SP4: variants seen among roughly 807,000 people sequenced by gnomAD.
SP4 encodes transcription factor Sp4.
Under a neutral mutation model 72.8 loss-of-function variants are expected in SP4, and 19 were observed. The ratio of observed to expected loss-of-function variants is 0.26; its 90% CI spans 0.18 to 0.38. The LOEUF is 0.38. Among genes scored for constraint, SP4 ranks in the 10% least tolerant of loss-of-function variants. The pLI is 1.00. For synonymous variants in SP4, 395 were observed against 333.1 expected, an observed-to-expected ratio of 1.19 and a Z score of -2.02; for missense variants, 1,008 against 926.3, an observed-to-expected ratio of 1.09 and a Z score of -1.14.
intron 3 of SP4, among the ~76,000 whole-genome samples, chr7:21,441,360 C>G (rs763627740): frequency 4.6e-5 from 7 of 152,070 alleles, no homozygotes; most frequent in Non-Finnish European, 1.0e-4. Flanking sequence ...GATGGGTTCT[C>G]TTCTGTGTGC....
chr7:21,448,875 A>T (rs930304257), intron 3 of SP4, among the ~76,000 whole-genome samples: 3 of 152,232 alleles, frequency 2.0e-5, no homozygotes, highest in Admixed American at 6.5e-5. Context: ...GCCAATGGAA[A>T]TGAGACTCCT....
intron 5 of SP4, among the ~76,000 whole-genome samples, chr7:21,502,909 T>C (rs764722359): frequency 2.0e-5 from 3 of 152,166 alleles, no homozygotes; most frequent in African/African-American, 4.8e-5. Flanking sequence ...GTTTTCTTTT[T>C]AGATTTTTCT....
In SP4 at chr7:21,431,558, C is replaced by T. The variant is rs539896113; in HGVS notation, c.1678+715C>T. 5.3e-5 allele frequency among the ~76,000 whole-genome samples: 8 copies of T among 152,320 alleles called. No homozygotes were observed. In the East Asian group the frequency reaches 1.5e-3, roughly 29 times the overall value. On this transcript the variant is annotated intron_variant, in intron 3 of 5. Transcript: ENST00000222584. ...GGTGGAAAGCAATGAAAAATGTTGACAGTAAAATGTCACTAATTTGAATTA... is the reference window on the plus strand; with the variant it reads ...GGTGGAAAGCAATGAAAAATGTTGATAGTAAAATGTCACTAATTTGAATTA...
chr7:21,491,248 G>GT (rs1784971008), intron 5 of SP4, among the ~76,000 whole-genome samples: 1 of 152,140 alleles, frequency 6.6e-6, no homozygotes, highest in Admixed American at 6.5e-5. Context: ...AGAAATTTTA[G>GT]ATTTAGAAAA....
Position 21,429,384 on chromosome 7 carries a change from T to C in SP4, c.219T>C (p.Ile73=), listed in dbSNP as rs1782751369. Residue 73 remains isoleucine, a synonymous_variant, in exon 3 of 6, where the codon ATT becomes ATC. Transcript: ENST00000222584. ...ENQATGQQQI[I]IDPSQGLVQL... The stretch of plus-strand genomic sequence containing the variant: ...AAGCAACTGGACAACAACAAATTAT[T>C]ATAGATCCAAGTCAAGGATTGGTGC... The C allele has an allele frequency of 6.2e-7, 1 of 1,613,984 alleles. No individual in the cohort carries two copies. The highest frequency in any genetic ancestry group is 8.5e-7 in the Non-Finnish European group (1 of 1,179,940).
At chr7:21,429,102 A>T (rs1583365252) in intron 2 of SP4, among the ~76,000 whole-genome samples, 187 bp from the exon 3 acceptor site, 1 of 152,210 alleles carries the variant, frequency 6.6e-6, no homozygotes, top group East Asian at 1.9e-4. Flanking sequence ...TTGATATTAT[A>T]GGACTTGCTT....
chr7:21,461,750 G>A (rs917918359), intron 3 of SP4, among the ~76,000 whole-genome samples: 19 of 152,206 alleles, frequency 1.2e-4, no homozygotes, highest in Non-Finnish European at 1.9e-4. Flanking sequence ...CGCCGAGGCC[G>A]AGGAGGCACC....
chr7:21,489,271 A>G (rs528108431), intron 5 of SP4, among the ~76,000 whole-genome samples: 1 of 152,340 alleles, frequency 6.6e-6, no homozygotes, highest in African/African-American at 2.4e-5. Flanking sequence ...GGAATATTTG[A>G]TCAAAACAGA....
At chr7:21,504,912 C>T (rs1781956079) in intron 5 of SP4, among the ~76,000 whole-genome samples, 1 of 152,156 alleles carries the variant, frequency 6.6e-6, no homozygotes, top group Admixed American at 6.5e-5. Flanking sequence ...GCAAAAGCAA[C>T]AGATTCCCTC....
At chr7:21,485,442 C>G (rs1178391862) in intron 5 of SP4, among the ~76,000 whole-genome samples, 3 of 151,988 alleles carry the variant, frequency 2.0e-5, no homozygotes, top group Admixed American at 6.6e-5. Context: ...CCCCATCCTG[C>G]TTTCCAGAGA....
intron 3 of SP4, among the ~76,000 whole-genome samples, chr7:21,442,605 T>C (rs1002061240): frequency 6.6e-6 from 1 of 152,180 alleles, no homozygotes; most frequent in Non-Finnish European, 1.5e-5. Flanking sequence ...GGGAATGTTT[T>C]CATGGAAAGG....
intron 5 of SP4, among the ~76,000 whole-genome samples, chr7:21,498,137 C>T (rs899580407): frequency 3.3e-5 from 5 of 152,018 alleles, no homozygotes; most frequent in African/African-American, 4.8e-5. Flanking sequence ...TATGTGGATT[C>T]CTCATCCTCA....
intron 3 of SP4, among the ~76,000 whole-genome samples, chr7:21,449,021 C>T (rs1225241905): frequency 6.6e-6 from 1 of 152,118 alleles, no homozygotes; most frequent in African/African-American, 2.4e-5. Flanking sequence ...CCTGCAAATG[C>T]TTTTTTCAAA....
chr7:21,460,506 T>C (rs532095577), intron 3 of SP4, among the ~76,000 whole-genome samples: 19 of 152,296 alleles, frequency 1.2e-4, no homozygotes, highest in Admixed American at 8.5e-4. Context: ...GCAAGATTTA[T>C]TGCGAAGAGC....
intron 5 of SP4, among the ~76,000 whole-genome samples, chr7:21,488,144 T>C (rs1310690838): frequency 6.6e-6 from 1 of 152,250 alleles, no homozygotes; most frequent in African/African-American, 2.4e-5. Flanking sequence ...GGATTATAGG[T>C]GTGAGCCACT....
intron 3 of SP4, among the ~76,000 whole-genome samples, chr7:21,476,106 A>AGGGTTTTGTATTTTTTT (rs1784492181): frequency 6.6e-6 from 1 of 152,030 alleles, no homozygotes; most frequent in Non-Finnish European, 1.5e-5. Flanking sequence ...CCCTGTCTCT[A>AGGGTTTTGTATTTTTTT]CTAAAAATAC....
intron 3 of SP4, among the ~76,000 whole-genome samples, chr7:21,455,456 G>T (rs1783732100): frequency 6.6e-6 from 1 of 152,170 alleles, no homozygotes; most frequent in Non-Finnish European, 1.5e-5. Context: ...TGTGAAGAGA[G>T]ATCAGAGGAG....
Position 21,430,005 on chromosome 7 carries a change from T to G in SP4, c.840T>G (p.Thr280=). 6.2e-7 allele frequency: 1 copy of G among 1,614,192 alleles called. No homozygotes were observed. Among genetic ancestry groups the G allele is most frequent in the Non-Finnish European group, 8.5e-7 (1 of 1,180,028 alleles). ...VINNVAAGGG[T]GQVGQPAATA... ...ACAACGTGGCTGCCGGAGGAGGGACTGGGCAGGTTGGCCAGCCTGCTGCTA... is the reference window on the plus strand; with the variant it reads ...ACAACGTGGCTGCCGGAGGAGGGACGGGGCAGGTTGGCCAGCCTGCTGCTA... Residue 280 remains threonine (T), a synonymous_variant, in exon 3 of 6, where the codon ACT becomes ACG. Coordinates refer to ENST00000222584, the MANE Select transcript of SP4 (RefSeq NM_003112.5).
chr7:21,438,842 C>G (rs1195777345), intron 3 of SP4, among the ~76,000 whole-genome samples: 1 of 152,200 alleles, frequency 6.6e-6, no homozygotes, highest in Non-Finnish European at 1.5e-5. Flanking sequence ...GTAACCTTCT[C>G]AACTGCTGTG....
Sources: gnomAD v4.1 joint callset for allele counts (sites outside exome capture counted in the v4.1 genomes callset) on GRCh38, gnomAD v4.1.1 for gene constraint, MANE v1.5 for transcripts, NCBI Gene and HGNC (gene_info 2026-07-23, HGNC 2026-07-21) for gene names.